Variants in MSI2 observed in about 807,000 individuals in gnomAD.
MSI2 encodes musashi RNA binding protein 2, also known as RNA-binding protein Musashi homolog 2.
Under a neutral mutation model 45.6 loss-of-function variants are expected in MSI2, and 17 were observed. The observed-to-expected ratio is 0.37, with a 90% confidence interval of 0.26 to 0.56. MSI2 has a LOEUF of 0.56. Among genes scored for constraint, MSI2 ranks in the 20% least tolerant of loss-of-function variants. The pLI, the probability that MSI2 is intolerant of heterozygous loss-of-function variation, is 0.77. For missense variants in MSI2, 293 were observed against 444.2 expected (o/e 0.66, Z 3.06); for synonymous variants, 156 against 158.2 (o/e 0.99, Z 0.11).
intron 7 of MSI2, among the ~76,000 whole-genome samples, chr17:57,553,589 G>C (rs890177502): frequency 3.9e-5 from 6 of 152,318 alleles, no homozygotes; most frequent in Admixed American, 3.3e-4. Context: ...GCTTTCTGAG[G>C]TCCGTTTTTT....
intron 6 of MSI2, among the ~76,000 whole-genome samples, chr17:57,497,327 G>A (rs1000353433): frequency 6.6e-6 from 1 of 152,190 alleles, no homozygotes; most frequent in Admixed American, 6.5e-5. Context: ...TTTTCTGAGA[G>A]GTCATTGCAC....
intron 5 of MSI2, chr17:57,265,079 G>A (rs527518595): frequency 6.6e-5 from 10 of 152,220 alleles, no homozygotes; most frequent in Non-Finnish European, 1.3e-4. Flanking sequence ...ACAGGGTGGG[G>A]AGAAAGTGTC....
intron 9 of MSI2, among the ~76,000 whole-genome samples, chr17:57,621,594 G>A (rs529253330): frequency 6.6e-6 from 1 of 152,274 alleles, no homozygotes; most frequent in Admixed American, 6.5e-5. Flanking sequence ...CAAATGACTC[G>A]AACACTGTGG....
At chr17:57,601,021 CCAT>C (rs1450114024) in intron 8 of MSI2, 1 of 152,176 alleles carries the variant, frequency 6.6e-6, no homozygotes, top group Admixed American at 6.5e-5. Flanking sequence ...ACATCTGTAC[CCAT>C]CAGACTGTGT....
chr17:57,484,909 G>C (rs1212099905), intron 6 of MSI2, among the ~76,000 whole-genome samples: 1 of 152,098 alleles, frequency 6.6e-6, no homozygotes, highest in Non-Finnish European at 1.5e-5. Context: ...CTTCTCTCTC[G>C]GGGAAACATG....
At position 57,459,652 on chromosome 17, in the gene MSI2, A is replaced by G. The variant is rs146038849; in HGVS notation, c.405+58181A>G. Among the ~76,000 whole-genome samples, 365 of 152,286 alleles carry G rather than the reference A, an allele frequency of 2.4e-3. 7 individuals are homozygous for G. The highest frequency in any genetic ancestry group is 0.021 in the Admixed American group (314 of 15,304). On this transcript the variant is annotated intron_variant, in intron 6 of 13. Transcript: ENST00000284073. ...CCTGGAGACAGGAGGCACAGCCTTTACTCATGGCCTCATGGTAAGGTAGAG... is the reference window on the plus strand; with the variant it reads ...CCTGGAGACAGGAGGCACAGCCTTTGCTCATGGCCTCATGGTAAGGTAGAG...
intron 5 of MSI2, among the ~76,000 whole-genome samples, chr17:57,273,740 C>T (rs1235274958): frequency 6.6e-6 from 1 of 152,210 alleles, no homozygotes; most frequent in Non-Finnish European, 1.5e-5. Flanking sequence ...GGCCCCTCTG[C>T]AGCATGACCC....
chr17:57,557,998 G>A (rs2087478303), intron 7 of MSI2, among the ~76,000 whole-genome samples: 1 of 152,140 alleles, frequency 6.6e-6, no homozygotes. Context: ...TGGCTTTCAT[G>A]ATTTATTTTG....
At position 57,563,209 on chromosome 17, in the gene MSI2, AC is replaced by A. The variant is rs200073151; in HGVS notation, c.454+33488del. Among the ~76,000 whole-genome samples, 829 of 151,348 alleles carry A rather than the reference AC, an allele frequency of 5.5e-3. 3 individuals are homozygous for A. The highest frequency in any genetic ancestry group is 0.024 in the Middle Eastern group (7 of 288). On this transcript the variant is annotated intron_variant, in intron 7 of 13. Transcript: ENST00000284073. ...TAGCAGGATTTTTTTTATATCCGTC[AC>A]CCGAACAACATACATTGTACCCATT...
intron 5 of MSI2, among the ~76,000 whole-genome samples, chr17:57,271,921 G>A (rs1354483713): frequency 6.6e-6 from 1 of 152,166 alleles, no homozygotes; most frequent in East Asian, 1.9e-4. Flanking sequence ...GCTTTTGATA[G>A]TTTCCTAAAG....
At chr17:57,632,632 C>T in intron 10 of MSI2, 1 of 1,066,208 alleles carries the variant, frequency 9.4e-7, no homozygotes. Context: ...GGTTGGCACT[C>T]CTGCCCATCA....
At chr17:57,675,691 C>G (rs1913181917) in intron 12 of MSI2, among the ~76,000 whole-genome samples, 1 of 152,152 alleles carries the variant, frequency 6.6e-6, no homozygotes, top group South Asian at 2.1e-4. Flanking sequence ...TGTGGGGATC[C>G]AAGCCCTCTC....
At chr17:57,580,991 A>G (rs990222503) in intron 7 of MSI2, among the ~76,000 whole-genome samples, 1 of 132,136 alleles carries the variant, frequency 7.6e-6, no homozygotes, top group Non-Finnish European at 1.6e-5. Flanking sequence ...TGCCAGCCCC[A>G]TGAGGTCAGC....
At chr17:57,479,634 C>T (rs1306661747) in intron 6 of MSI2, among the ~76,000 whole-genome samples, 1 of 152,094 alleles carries the variant, frequency 6.6e-6, no homozygotes, top group Admixed American at 6.5e-5. Context: ...TCAAGTAAAG[C>T]AAAGCAGCGG....
chr17:57,299,704 C>T (rs919672320), intron 5 of MSI2, among the ~76,000 whole-genome samples: 3 of 152,034 alleles, frequency 2.0e-5, no homozygotes, highest in African/African-American at 4.8e-5. Flanking sequence ...ATCACCATTA[C>T]AAATATTATT....
In MSI2 at chr17:57,652,891, C is replaced by T. The variant is rs942105735; in HGVS notation, c.790+730C>T. Among the ~76,000 whole-genome samples the T allele has an allele frequency of 1.7e-4, 26 of 152,160 alleles. No individual in the cohort carries two copies. In the East Asian group the frequency reaches 3.7e-3, roughly 21 times the overall value. On this transcript the variant is annotated intron_variant, in intron 11 of 13. Coordinates refer to ENST00000284073, the MANE Select transcript of MSI2 (RefSeq NM_138962.4). This position sits in a 1 kb window ranked among gnomAD's most constrained non-coding sequence, Gnocchi z 4.1. The stretch of plus-strand genomic sequence containing the variant: ...AGAGCTGGGATATGTCCAGGGTGCC[C>T]GGGGTCCCTTTTGTCCCTCTCCCCA...
chr17:57,551,071 C>G (rs1272182621), intron 7 of MSI2, among the ~76,000 whole-genome samples: 1 of 152,090 alleles, frequency 6.6e-6, no homozygotes, highest in Admixed American at 6.5e-5. Context: ...TCTCCCGGTG[C>G]TTTTTTGAAA....
chr17:57,461,570 C>T (rs1238380257), intron 6 of MSI2, among the ~76,000 whole-genome samples: 1 of 149,616 alleles, frequency 6.7e-6, no homozygotes, highest in Admixed American at 6.7e-5. Context: ...GTCTCTTGCC[C>T]TGTCACCTAG....
chr17:57,668,301 G>A (rs1444760242), intron 11 of MSI2, among the ~76,000 whole-genome samples: 3 of 152,128 alleles, frequency 2.0e-5, no homozygotes, highest in Non-Finnish European at 4.4e-5. Flanking sequence ...CCACTGACAT[G>A]TTATATGAGA....
Sources: allele counts gnomAD v4.1 joint callset (sites outside exome capture counted in the v4.1 genomes callset), GRCh38; gene constraint gnomAD v4.1.1; non-coding constraint Gnocchi (gnomAD v3.1); transcripts MANE v1.5; gene names NCBI Gene and HGNC (gene_info 2026-07-23, HGNC 2026-07-21).